Variants in INTS13 observed in about 807,000 individuals in gnomAD.
INTS13 encodes the protein asunder, spermatogenesis regulator homolog (Drosphila).
Under a neutral mutation model 90.2 loss-of-function variants are expected in INTS13, and 35 were observed. The ratio of observed to expected loss-of-function variants is 0.39; its 90% CI spans 0.30 to 0.51. The LOEUF (loss-of-function observed/expected upper bound fraction) is 0.51. INTS13 is among the 20% of genes least tolerant of loss of function. INTS13 has a pLI of 0.80. For missense variants in INTS13, 601 were observed against 851.2 expected (o/e 0.71, Z 3.66); for synonymous variants, 309 against 277.1 (o/e 1.11, Z -1.14).
At position 26,911,143 on chromosome 12, in the gene INTS13, T is replaced by C. The variant is rs113587359; in HGVS notation, c.1945+35A>G. On this transcript the variant is annotated intron_variant, in intron 15 of 16. Transcript: ENST00000261191. ...AGCCACCACACCCGGCCTGGAAAAC[T>C]TTTTATAAACCTAGTTACCACAGCT... 2.3e-3 allele frequency: 3,612 copies of C among 1,584,898 alleles called. 66 individuals are homozygous for C. In the African/African-American group the frequency reaches 0.041, roughly 18 times the overall value.
rs183108320 is a variant in INTS13 at position 26,917,148 on chromosome 12, A to C, written c.1069+204T>G. Reference sequence around the variant, plus strand: ...AGCCAAACCTAAAGTCATCTTTTAAATGTTAGTAAAAACTGTTAAAGGGTA... The same window carrying C: ...AGCCAAACCTAAAGTCATCTTTTAACTGTTAGTAAAAACTGTTAAAGGGTA... On this transcript the variant is annotated intron_variant, in intron 10 of 16. Coordinates refer to ENST00000261191, the MANE Select transcript of INTS13 (RefSeq NM_018164.3). Among the ~76,000 whole-genome samples the C allele has an allele frequency of 8.5e-5, 13 of 152,262 alleles. No homozygotes were observed. The East Asian group carries it at 1.7e-3, about 20-fold the overall frequency.
rs1487010732 is a variant in INTS13, at chr12:26,928,861, T to C, written c.345A>G (p.Ala115=). ...GCAGAATACTGCAGCACTCTGGATC[T>C]GCCCGAGGATTAGGAGGCCCAACAG... is the stretch of plus-strand genomic sequence containing the variant. The part of the protein sequence containing the change: ...LAAVGPPNPR[A]DPECCSILHG... The change falls in exon 4 of 17, where the codon GCA becomes GCG. Residue 115 remains alanine, a synonymous_variant. Coordinates refer to ENST00000261191, the MANE Select transcript of INTS13 (RefSeq NM_018164.3). The C allele has an allele frequency of 6.2e-7, 1 of 1,614,258 alleles. No homozygotes were observed. Among genetic ancestry groups the C allele is most frequent in the Non-Finnish European group, 8.5e-7 (1 of 1,180,048 alleles).
In INTS13 at chr12:26,934,614, C is replaced by G; in HGVS notation, c.242G>C (p.Ser81Thr). The G allele has an allele frequency of 6.2e-7, 1 of 1,613,056 alleles. No homozygotes were observed. ...ATTTAAAACATGTGCTCCAGAGTCA[C>G]TCACAATAAAATTCACCTAATAGAT... is the stretch of plus-strand genomic sequence containing the variant. The part of the protein sequence containing the change: ...PFKKLVNFIV[S>T]DSGAHVLNSW... Residue 81 changes from serine to threonine, a missense_variant, in exon 3 of 17, where the codon AGT becomes ACT. Physicochemically the swap from Ser to Thr is moderately conservative, Grantham distance 58. Transcript: ENST00000261191.
chr12:26,916,328 T>A (rs1263645151), intron 10 of INTS13, 148 bp from the exon 11 acceptor site: 1 of 723,528 alleles, frequency 1.4e-6, no homozygotes, highest in Non-Finnish European at 2.2e-6. Context: ...TACTCTTCCA[T>A]GCCTAAAAAT....
intron 8 of INTS13, among the ~76,000 whole-genome samples, chr12:26,918,073 G>A (rs1251792424): frequency 2.6e-5 from 4 of 151,984 alleles, no homozygotes; most frequent in African/African-American, 9.7e-5. Context: ...GGTGAGCTGC[G>A]ATCACGACAC....
chr12:26,936,707 G>C lies in INTS13; in HGVS notation c.97C>G (p.Leu33Val). ...ATTCCTTGGGTTCTATTCTTCACCA[G>C]CATATCAAACTCGACATGCTGCCTG... ...SCRQHVEFDM[L>V]VKNRTQGIIP... Residue 33 changes from leucine (L) to valine (V), a missense_variant, in exon 2 of 17, where the codon CTG becomes GTG. This residue lies in a region of INTS13 where 284 missense variants were observed against 387.7 expected (regional missense o/e 0.73). Transcript: ENST00000261191. 3.1e-6 allele frequency: 5 copies of C among 1,613,940 alleles called. No homozygotes were observed. Among genetic ancestry groups the C allele is most frequent in the Non-Finnish European group, 3.4e-6 (4 of 1,179,910 alleles).
At chr12:26,933,285 G>A (rs918180876) in intron 3 of INTS13, among the ~76,000 whole-genome samples, 4 of 152,088 alleles carry the variant, frequency 2.6e-5, no homozygotes. Flanking sequence ...AGAACACAGA[G>A]ACAAGAACAT....
chr12:26,908,043 T>C (rs1220367740), intron 15 of INTS13, among the ~76,000 whole-genome samples: 4 of 152,208 alleles, frequency 2.6e-5, no homozygotes. Flanking sequence ...TCTTATAAAA[T>C]TAGTCATTAT....
intron 8 of INTS13, 23 bp from the exon 9 acceptor site, chr12:26,917,756 T>A (rs1411127834): frequency 1.1e-5 from 17 of 1,527,000 alleles, no homozygotes; most frequent in Non-Finnish European, 1.5e-5. Flanking sequence ...GTCAGAGACA[T>A]TACACATTGT....
At chr12:26,930,430 G>A (rs1230608754) in intron 3 of INTS13, among the ~76,000 whole-genome samples, 1 of 152,132 alleles carries the variant, frequency 6.6e-6, no homozygotes, top group African/African-American at 2.4e-5. Context: ...TACGGTACTG[G>A]CACAAGATAG....
Position 26,934,644 on chromosome 12 carries a change from A to ATTG in INTS13, c.226-15_226-14insCAA. On this transcript the variant is annotated splice_polypyrimidine_tract_variant and intron_variant, in intron 2 of 16. Coordinates refer to ENST00000261191, the MANE Select transcript of INTS13 (RefSeq NM_018164.3). ...AATAAAATTCACCTAATAGATTCCA[A>ATTG]AGAAACAATTAGTATTCAACTCTAA... The ATTG allele has an allele frequency of 1.3e-6, 2 of 1,582,122 alleles. No individual in the cohort carries two copies. Among genetic ancestry groups the ATTG allele is most frequent in the Non-Finnish European group, 8.7e-7 (1 of 1,151,958 alleles).
chr12:26,934,747 T>C (rs1938373712), intron 2 of INTS13, 117 bp from the exon 3 acceptor site: 1 of 821,544 alleles, frequency 1.2e-6, no homozygotes, highest in Non-Finnish European at 2.1e-6. Context: ...ATTCTTCTTT[T>C]TATAGTTACA....
At chr12:26,917,482 A>C (rs746374781) in intron 9 of INTS13, 41 bp from the exon 10 acceptor site, 85 of 1,296,570 alleles carry the variant, frequency 6.6e-5, no homozygotes, top group Non-Finnish European at 8.7e-5. Flanking sequence ...AATATAAAGA[A>C]ATATTCCCAC....
chr12:26,905,781 T>C (rs1231053793), intron 16 of INTS13, among the ~76,000 whole-genome samples: 1 of 152,108 alleles, frequency 6.6e-6, no homozygotes, highest in Admixed American at 6.6e-5. Flanking sequence ...TGTTTTTTGT[T>C]TGTTTGTTTG....
intron 3 of INTS13, chr12:26,929,133 T>C: frequency 2.1e-6 from 1 of 476,998 alleles, no homozygotes; most frequent in Non-Finnish European, 3.7e-6. Flanking sequence ...TATCAATTAT[T>C]ACAATACATC....
At chr12:26,937,118 G>A (rs1349236536) in intron 1 of INTS13, among the ~76,000 whole-genome samples, 1 of 152,164 alleles carries the variant, frequency 6.6e-6, no homozygotes, top group Non-Finnish European at 1.5e-5. Flanking sequence ...ACATTTAATT[G>A]TATTTGATTC....
rs531228505 is a variant in INTS13, at chr12:26,917,875, G to C, written c.890-142C>G. ...GCAGTGGCTCATGCCTGTAATCCCA[G>C]CACTTTGGGAGGCTGAGGCAGGTGG... On this transcript the variant is annotated intron_variant, in intron 8 of 16. Transcript: ENST00000261191. 1.8e-4 allele frequency: 113 copies of C among 622,174 alleles called. No individual in the cohort carries two copies. The African/African-American group carries it at 2.0e-3, about 11-fold the overall frequency. 38.5% of individuals were successfully genotyped at this position (622,174 alleles called of 1,614,324 possible). A position where few individuals can be genotyped will look rare whatever the true frequency, so the allele number is the denominator to read the frequency against.
chr12:26,924,580 T>C (rs1264741370), intron 6 of INTS13, 97 bp from the exon 7 acceptor site: 8 of 1,318,400 alleles, frequency 6.1e-6, no homozygotes, highest in Non-Finnish European at 8.1e-6. Flanking sequence ...AATTAAGTAT[T>C]TTTAACTTTT....
intron 8 of INTS13, chr12:26,919,152 G>C (rs1438413519): frequency 6.2e-6 from 1 of 161,950 alleles, no homozygotes; most frequent in Non-Finnish European, 1.4e-5. Flanking sequence ...GAGTCACAAA[G>C]TGAGACTCTG....
Sources: allele counts gnomAD v4.1 joint callset (sites outside exome capture counted in the v4.1 genomes callset), GRCh38; gene constraint gnomAD v4.1.1; regional missense constraint gnomAD v4.1.1; transcripts MANE v1.5; gene names NCBI Gene and HGNC (gene_info 2026-07-23, HGNC 2026-07-21).